The following CSNK1A1 variants were observed in gnomAD, a reference collection of about 807,000 sequenced individuals.
CSNK1A1 encodes casein kinase 1 alpha 1.
In CSNK1A1, 7 loss-of-function variants were observed where a neutral mutation model predicts 46.1. The observed-to-expected ratio is 0.15, with a 90% CI of 0.09 to 0.29. The LOEUF (loss-of-function observed/expected upper bound fraction) is 0.29. Ranked by LOEUF, CSNK1A1 falls within the 10% of genes least tolerant of loss-of-function variation. The pLI is 1.00. For missense variants in CSNK1A1, 96 were observed against 417.1 expected, an observed-to-expected ratio of 0.23 and a Z score of 6.71; for synonymous variants, 137 against 141.5, an observed-to-expected ratio of 0.97 and a Z score of 0.23.
chr5:149,542,624 A>ACG (rs1762296077), intron 2 of CSNK1A1, among the ~76,000 whole-genome samples: 1 of 13,704 alleles, frequency 7.3e-5, no homozygotes, highest in Admixed American at 1.5e-3. Flanking sequence ...ATATATATAT[A>ACG]TATATATATA....
At chr5:149,545,622 G>T in intron 2 of CSNK1A1, 3 of 867,854 alleles carry the variant, frequency 3.5e-6, no homozygotes, top group Non-Finnish European at 5.6e-6. Flanking sequence ...TGGGCTTTAC[G>T]AGGGCCCTGC....
chr5:149,544,758 T>TATATATATATATATATATATACACAC lies in CSNK1A1; in HGVS notation c.230+5316_230+5317insGTGTGTATATATATATATATATATAT, dbSNP rs150989849. ...AGCTTTATATATATATATATATATA[T>TATATATATATATATATATATACACAC]ATATATAGTTATTGACCAATCATGT... is the stretch of plus-strand genomic sequence containing the variant. On this transcript the variant is annotated intron_variant, in intron 2 of 9. Transcript: ENST00000377843. Among the ~76,000 whole-genome samples, 47 of 129,258 alleles carry TATATATATATATATATATATACACAC rather than the reference T, an allele frequency of 3.6e-4. 1 individual carries two copies. Among genetic ancestry groups the TATATATATATATATATATATACACAC allele is most frequent in the African/African-American group, 1.4e-3 (43 of 31,534 alleles). The allele number at this position is 129,258 out of a possible 152,430, so 84.8% of individuals were successfully genotyped here. A position where few individuals can be genotyped will look rare whatever the true frequency, so the allele number is the denominator to read the frequency against.
At chr5:149,504,926 G>A (rs988497309) in intron 9 of CSNK1A1, 5 of 985,412 alleles carry the variant, frequency 5.1e-6, no homozygotes, top group Non-Finnish European at 6.0e-6. Flanking sequence ...CACTTTGGGG[G>A]TAATGCCAAA....
chr5:149,534,441 G>A (rs1324095421), intron 2 of CSNK1A1, among the ~76,000 whole-genome samples: 3 of 136,700 alleles, frequency 2.2e-5, no homozygotes, highest in Non-Finnish European at 3.0e-5. Context: ...CTGAGATGGC[G>A]CCATTGCACT....
intron 2 of CSNK1A1, among the ~76,000 whole-genome samples, chr5:149,527,984 A>G (rs1580844529): frequency 1.3e-5 from 2 of 152,282 alleles, no homozygotes; most frequent in African/African-American, 4.8e-5. Context: ...CCAAACACAA[A>G]CCTGAAATGT....
At chr5:149,503,194 G>T in intron 9 of CSNK1A1, 1 of 985,416 alleles carries the variant, frequency 1.0e-6, no homozygotes, top group Non-Finnish European at 1.2e-6. Context: ...AGAATTCCTA[G>T]GAGATTTCTT....
At chr5:149,514,292 A>G (rs1761330994) in intron 4 of CSNK1A1, among the ~76,000 whole-genome samples, 1 of 152,238 alleles carries the variant, frequency 6.6e-6, no homozygotes, top group Admixed American at 6.5e-5. Context: ...TGTTGTATGT[A>G]ATTCAAGTTT....
chr5:149,505,256 T>C lies in CSNK1A1; in HGVS notation c.1006+191A>G. 2.2e-6 allele frequency: 3 copies of C among 1,381,034 alleles called. 1 individual carries two copies. Among genetic ancestry groups the C allele is most frequent in the South Asian group, 3.6e-5 (2 of 55,224 alleles). The allele number at this position is 1,381,034 out of a possible 1,614,324, so 85.5% of individuals were successfully genotyped here. The stretch of plus-strand genomic sequence containing the variant: ...ATGTATATACAAATACATATACATA[T>C]ATATGAACAAGGACATTTGGGTTTA... On this transcript the variant is annotated intron_variant, in intron 9 of 9. Coordinates refer to ENST00000377843, the MANE Select transcript of CSNK1A1 (RefSeq NM_001892.6).
At chr5:149,527,340 C>T (rs1761754470) in intron 2 of CSNK1A1, among the ~76,000 whole-genome samples, 1 of 152,084 alleles carries the variant, frequency 6.6e-6, no homozygotes, top group African/African-American at 2.4e-5. Context: ...GTTGGCCAGG[C>T]TGGTCTCGAA....
chr5:149,501,541 G>C, intron 9 of CSNK1A1: 2 of 984,942 alleles, frequency 2.0e-6, no homozygotes, highest in Non-Finnish European at 2.4e-6. Flanking sequence ...CAATATGATA[G>C]AAAAATAATA....
At chr5:149,519,655 T>C (rs903629517) in intron 4 of CSNK1A1, among the ~76,000 whole-genome samples, 1 of 152,210 alleles carries the variant, frequency 6.6e-6, no homozygotes, top group Non-Finnish European at 1.5e-5. Context: ...GTTGTATGAA[T>C]GTTCATTTCA....
chr5:149,538,023 T>TG (rs955722988), intron 2 of CSNK1A1, among the ~76,000 whole-genome samples: 1 of 139,132 alleles, frequency 7.2e-6, no homozygotes, highest in African/African-American at 2.8e-5. Context: ...AGTTTTTTTT[T>TG]TTTTTTTTTT....
At chr5:149,510,476 G>A (rs1761183504) in intron 6 of CSNK1A1, among the ~76,000 whole-genome samples, 1 of 150,092 alleles carries the variant, frequency 6.7e-6, no homozygotes, top group Non-Finnish European at 1.5e-5. Context: ...TTGTTTTTTT[G>A]TTTGTTTGTT....
intron 9 of CSNK1A1, chr5:149,499,175 A>G: frequency 2.0e-6 from 2 of 985,280 alleles, no homozygotes; most frequent in Non-Finnish European, 2.4e-6. Flanking sequence ...CTTTTCCCCA[A>G]TACGCATTGG....
intron 2 of CSNK1A1, among the ~76,000 whole-genome samples, chr5:149,536,110 C>T (rs889712529): frequency 4.6e-5 from 7 of 152,182 alleles, no homozygotes; most frequent in African/African-American, 1.4e-4. Flanking sequence ...CGCGCCACCA[C>T]GCCTGACTAA....
At chr5:149,520,050 C>A (rs181085397) in intron 4 of CSNK1A1, among the ~76,000 whole-genome samples, 544 of 152,202 alleles carry the variant, frequency 3.6e-3, no homozygotes, top group Non-Finnish European at 6.0e-3. Flanking sequence ...ATTATACAGC[C>A]CTTAGAATTT....
At position 149,550,753 on chromosome 5, in the gene CSNK1A1, G is replaced by C; in HGVS notation, c.123+89C>G. The C allele has an allele frequency of 6.4e-7, 1 of 1,572,036 alleles. No individual in the cohort carries two copies. Among genetic ancestry groups the C allele is most frequent in the Non-Finnish European group, 8.7e-7 (1 of 1,152,874 alleles). On this transcript the variant is annotated intron_variant, in intron 1 of 9. Transcript: ENST00000377843. The surrounding 1 kb of genome is among the most constrained non-coding windows in gnomAD (Gnocchi z 4.3). ...CCCTGGCGAGTGCGTGCGATGAGGA[G>C]AGGCCCGAGCACTTTGGGGGTGCAC...
chr5:149,506,681 G>A (rs1019193735), intron 8 of CSNK1A1, among the ~76,000 whole-genome samples: 1 of 152,158 alleles, frequency 6.6e-6, no homozygotes, highest in Admixed American at 6.5e-5. Flanking sequence ...CAGACTCCAT[G>A]ACTATGTGAT....
Position 149,525,368 on chromosome 5 carries a change from G to A in CSNK1A1, c.231-197C>T, listed in dbSNP as rs929526509. 2.7e-5 allele frequency among the ~76,000 whole-genome samples: 4 copies of A among 150,738 alleles called. No individual in the cohort carries two copies. Among genetic ancestry groups the A allele is most frequent in the African/African-American group, 9.7e-5 (4 of 41,032 alleles). On this transcript the variant is annotated intron_variant, in intron 2 of 9. Coordinates refer to ENST00000377843, the MANE Select transcript of CSNK1A1 (RefSeq NM_001892.6). This position sits in a 1 kb window ranked among gnomAD's most constrained non-coding sequence, Gnocchi z 4.2. ...GGTAATGAGACTTTTTTTTTTCCCTGTCATGCAACTCCATTCTCCTATATA... is the reference window on the plus strand; with the variant it reads ...GGTAATGAGACTTTTTTTTTTCCCTATCATGCAACTCCATTCTCCTATATA...
Sources: gnomAD v4.1 joint callset for allele counts (sites outside exome capture counted in the v4.1 genomes callset) on GRCh38, gnomAD v4.1.1 for gene constraint, Gnocchi (gnomAD v3.1) non-coding constraint, MANE v1.5 for transcripts, NCBI Gene and HGNC (gene_info 2026-07-23, HGNC 2026-07-21) for gene names.